The following ANK2 variants were observed in gnomAD, a reference collection of about 807,000 sequenced individuals.
ANK2 encodes the protein ankyrin-2.
In ANK2, 83 loss-of-function variants were observed where a neutral mutation model predicts 360.5. The observed-to-expected ratio is 0.23, with a 90% CI of 0.19 to 0.28. The LOEUF (loss-of-function observed/expected upper bound fraction) is 0.28. Ranked by LOEUF, ANK2 falls within the 10% of genes least tolerant of loss-of-function variation. The pLI, the probability that ANK2 is intolerant of heterozygous loss-of-function variation, is 1.00. For missense variants in ANK2, 4,201 were observed against 4,795.7 expected (o/e 0.88, Z 3.66); for synonymous variants, 1,740 against 1,759.5 (o/e 0.99, Z 0.28).
At chr4:112,771,040 C>T in the ANK2 span, among the ~76,000 whole-genome samples, 1 of 152,192 alleles carries the variant, frequency 6.6e-6, no homozygotes, top group Non-Finnish European at 1.5e-5. Context: ...TTCCTTCTTC[C>T]ATTTTGAGTT....
At chr4:113,023,126 AAAAT>A (rs1254623520) in intron 2 of ANK2, among the ~76,000 whole-genome samples, 1 of 152,206 alleles carries the variant, frequency 6.6e-6, no homozygotes, top group African/African-American at 2.4e-5. Context: ...CCTGGAACTT[AAAAT>A]AAAATAAAAT....
chr4:113,156,251 G>A (rs774973511), intron 1 of ANK2, among the ~76,000 whole-genome samples: 5 of 151,162 alleles, frequency 3.3e-5, no homozygotes, highest in Non-Finnish European at 5.9e-5. Context: ...TTAAACTTTT[G>A]TGTGGTATAG....
intron 1 of ANK2, among the ~76,000 whole-genome samples, chr4:112,885,586 G>A (rs2078084668): frequency 1.3e-5 from 2 of 151,404 alleles, no homozygotes; most frequent in Non-Finnish European, 2.9e-5. Context: ...CACGAGGTCA[G>A]GAGATTGACA....
chr4:113,217,558 C>A (rs1211164717), intron 4 of ANK2, among the ~76,000 whole-genome samples: 1 of 152,134 alleles, frequency 6.6e-6, no homozygotes, highest in African/African-American at 2.4e-5. Context: ...GCCGTTCTGC[C>A]TCAAATCATC....
intron 2 of ANK2, among the ~76,000 whole-genome samples, chr4:112,978,586 T>C (rs2042151490): frequency 1.3e-5 from 2 of 152,246 alleles, no homozygotes; most frequent in South Asian, 2.1e-4. Flanking sequence ...TTTGTCCTTT[T>C]GTGCCTGCCT....
intron 1 of ANK2, chr4:112,880,767 G>T (rs1352449821): frequency 1.3e-5 from 2 of 152,060 alleles, no homozygotes; most frequent in African/African-American, 4.8e-5. Context: ...TGATTATTTA[G>T]ACCAGGGGTT....
chr4:113,205,038 A>G (rs932294364), intron 4 of ANK2, among the ~76,000 whole-genome samples: 1 of 152,078 alleles, frequency 6.6e-6, no homozygotes, highest in Non-Finnish European at 1.5e-5. Flanking sequence ...GATCGAGACC[A>G]TTCTGGCTAA....
At position 112,856,768 on chromosome 4, in the gene ANK2, C is replaced by T. The variant is rs114393996; in HGVS notation, c.-40+38504C>T. Among the ~76,000 whole-genome samples, 816 of 152,344 alleles carry T rather than the reference C, an allele frequency of 5.4e-3. 13 individuals are homozygous for T. Among genetic ancestry groups the T allele is most frequent in the African/African-American group, 0.018 (766 of 41,578 alleles). ...GTATTATTAAACTATTACTCAGATA[C>T]TTGCTAGAATGGTAAGGAAAGACTT... On this transcript the variant is annotated intron_variant, in intron 1 of 30. Coordinates refer to the ANK2 transcript ENST00000503271.
At chr4:112,806,879 G>A in the ANK2 span, among the ~76,000 whole-genome samples, 1 of 152,250 alleles carries the variant, frequency 6.6e-6, no homozygotes, top group African/African-American at 2.4e-5. Flanking sequence ...CTTTCTTCTG[G>A]ATGTATACTC....
intron 1 of ANK2, among the ~76,000 whole-genome samples, chr4:113,089,668 A>G (rs1463077576): frequency 1.3e-5 from 2 of 152,124 alleles, no homozygotes; most frequent in Non-Finnish European, 2.9e-5. Flanking sequence ...TCTAAGAAAA[A>G]TACAAAATTG....
intron 2 of ANK2, among the ~76,000 whole-genome samples, chr4:113,019,987 T>G (rs2135351): frequency 0.57 from 87,143 of 151,984 alleles, 26,476 homozygotes; most frequent in Non-Finnish European, 0.69. Flanking sequence ...ACATAGGTCT[T>G]GCTATGATTT....
intron 1 of ANK2, among the ~76,000 whole-genome samples, chr4:113,151,837 G>A (rs1583155917): frequency 1.3e-5 from 2 of 151,312 alleles, no homozygotes; most frequent in South Asian, 2.1e-4. Flanking sequence ...AGGCTGAGGT[G>A]GGAGGATCAC....
At chr4:112,776,105 G>T in the ANK2 span, among the ~76,000 whole-genome samples, 1 of 152,136 alleles carries the variant, frequency 6.6e-6, no homozygotes. Context: ...GAGTGTTCTG[G>T]TTAAGAAGGA....
At chr4:113,297,597 A>G (rs948706027) in intron 22 of ANK2, among the ~76,000 whole-genome samples, 2 of 152,130 alleles carry the variant, frequency 1.3e-5, no homozygotes, top group African/African-American at 2.4e-5. Context: ...ATGGCAATAC[A>G]ATAAATACTT....
At chr4:112,818,826 A>G (rs2056128005) in intron 1 of ANK2, among the ~76,000 whole-genome samples, 1 of 152,180 alleles carries the variant, frequency 6.6e-6, no homozygotes, top group African/African-American at 2.4e-5. Context: ...CAAAATTTAT[A>G]TTAAATAGTG....
rs531421573 is a variant in ANK2, at chr4:113,308,805, A to G, written c.2549-2450A>G. Among the ~76,000 whole-genome samples, 5 of 152,310 alleles carry G rather than the reference A, an allele frequency of 3.3e-5. No individual in the cohort carries two copies. The South Asian group carries it at 1.0e-3, about 32-fold the overall frequency. ...GGATGTTTTATCCATGGAAGGGGAA[A>G]GACCTCCATAGAATCTGTAACAGAG... On this transcript the variant is annotated intron_variant, in intron 23 of 45. Coordinates refer to ENST00000357077, the MANE Select transcript of ANK2 (RefSeq NM_001148.6).
At chr4:112,972,535 A>C (rs538224592) in intron 2 of ANK2, among the ~76,000 whole-genome samples, 1 of 152,262 alleles carries the variant, frequency 6.6e-6, no homozygotes, top group African/African-American at 2.4e-5. Context: ...GTCAGTGTAC[A>C]GGTGTTATGT....
chr4:112,728,014 G>T, the ANK2 span, among the ~76,000 whole-genome samples: 9 of 150,830 alleles, frequency 6.0e-5, no homozygotes, highest in Non-Finnish European at 1.5e-5. Flanking sequence ...CAAAGAATTG[G>T]CCGGGTGCGG....
intron 4 of ANK2, among the ~76,000 whole-genome samples, chr4:113,225,812 A>G (rs928282058): frequency 6.6e-6 from 1 of 152,210 alleles, no homozygotes; most frequent in Non-Finnish European, 1.5e-5. Flanking sequence ...AGATAATCCA[A>G]TTACCAAAAG....
Sources: allele counts gnomAD v4.1 joint callset (sites outside exome capture counted in the v4.1 genomes callset), GRCh38; gene constraint gnomAD v4.1.1; transcripts MANE v1.5; gene names NCBI Gene and HGNC (gene_info 2026-07-23, HGNC 2026-07-21).